Variants in ADAMTSL1 observed in about 807,000 individuals in gnomAD.
The protein encoded by ADAMTSL1 is ADAMTS like 1.
ADAMTSL1 carries 126 observed loss-of-function variants against 201.8 expected under a neutral mutation model. The ratio of observed to expected loss-of-function variants is 0.62; its 90% CI spans 0.54 to 0.72. The LOEUF (loss-of-function observed/expected upper bound fraction) is 0.72. Among genes scored for constraint, ADAMTSL1 ranks in the 30% least tolerant of loss-of-function variants. The pLI, the probability that ADAMTSL1 is intolerant of heterozygous loss-of-function variation, is 0.00. For missense variants in ADAMTSL1, 2,679 were observed against 2,277.8 expected (o/e 1.18, Z -3.59); for synonymous variants, 1,121 against 903.4 (o/e 1.24, Z -4.32).
chr9:18,893,982 G>A (rs554665954), intron 26 of ADAMTSL1, among the ~76,000 whole-genome samples: 1 of 152,306 alleles, frequency 6.6e-6, no homozygotes, highest in East Asian at 1.9e-4. Flanking sequence ...AGGGGAATGT[G>A]TCCCATATAA....
intron 2 of ADAMTSL1, among the ~76,000 whole-genome samples, chr9:18,518,301 C>A (rs1818485194): frequency 6.6e-6 from 1 of 152,128 alleles, no homozygotes; most frequent in Non-Finnish European, 1.5e-5. Context: ...CCCCCCAACC[C>A]AGCCTTTCCT....
At chr9:18,140,787 T>C (rs1055721772) in intron 1 of ADAMTSL1, among the ~76,000 whole-genome samples, 1 of 152,154 alleles carries the variant, frequency 6.6e-6, no homozygotes, top group African/African-American at 2.4e-5. Flanking sequence ...TGGCCTGGTA[T>C]GTTAACTGTT....
rs1429365164 is a variant in ADAMTSL1 at position 18,587,025 on chromosome 9, T to TGGACATA, written c.474+12763_474+12769dup. 5.9e-5 allele frequency among the ~76,000 whole-genome samples: 9 copies of TGGACATA among 152,080 alleles called. 1 individual carries two copies. Among genetic ancestry groups the TGGACATA allele is most frequent in the African/African-American group, 1.9e-4 (8 of 41,404 alleles). On this transcript the variant is annotated intron_variant, in intron 4 of 28. Transcript: ENST00000380548. Reference sequence around the variant, plus strand: ...GAAGACAACGTAGGCAATACCATTCTGGACATAGGAACTGGCAAATATTTC... The same window carrying TGGACATA: ...GAAGACAACGTAGGCAATACCATTCTGGACATAGGACATAGGAACTGGCAAATATTTC...
chr9:18,510,772 A>G (rs1056456194), intron 2 of ADAMTSL1, among the ~76,000 whole-genome samples: 20 of 152,040 alleles, frequency 1.3e-4, no homozygotes, highest in Admixed American at 9.2e-4. Flanking sequence ...TAATTAGAAA[A>G]GAGACTATAC....
At chr9:18,024,284 C>G (rs1203401045) in intron 1 of ADAMTSL1, among the ~76,000 whole-genome samples, 2 of 151,772 alleles carry the variant, frequency 1.3e-5, no homozygotes, top group Non-Finnish European at 2.9e-5. Flanking sequence ...TTTATTTTAG[C>G]TTTGAGGGTA....
intron 1 of ADAMTSL1, among the ~76,000 whole-genome samples, chr9:18,001,396 TC>T (rs144781666): frequency 0.029 from 4,417 of 152,008 alleles, 173 homozygotes; most frequent in East Asian, 0.21. Context: ...TTGGAACTGG[TC>T]CAAGATGAGG....
chr9:18,602,332 A>G (rs1216536426), intron 4 of ADAMTSL1, among the ~76,000 whole-genome samples: 1 of 152,224 alleles, frequency 6.6e-6, no homozygotes, highest in Non-Finnish European at 1.5e-5. Context: ...TGCTGCAAAC[A>G]TGAGCCTCCT....
intron 2 of ADAMTSL1, among the ~76,000 whole-genome samples, chr9:18,450,535 C>G (rs1820364037): frequency 1.3e-5 from 2 of 151,862 alleles, no homozygotes; most frequent in African/African-American, 4.8e-5. Flanking sequence ...AACCATATCT[C>G]TTTTTAATTC....
At chr9:18,000,569 A>C (rs796342841) in intron 1 of ADAMTSL1, among the ~76,000 whole-genome samples, 6 of 152,124 alleles carry the variant, frequency 3.9e-5, no homozygotes, top group African/African-American at 1.4e-4. Context: ...TCTTGCTTCT[A>C]GGAATTTATA....
At chr9:18,539,420 C>T (rs890286453) in intron 3 of ADAMTSL1, among the ~76,000 whole-genome samples, 2 of 152,210 alleles carry the variant, frequency 1.3e-5, no homozygotes, top group African/African-American at 2.4e-5. Context: ...ATTCTTTCAC[C>T]GCTGCATACT....
intron 2 of ADAMTSL1, among the ~76,000 whole-genome samples, chr9:18,465,570 A>G (rs1820971353): frequency 1.3e-5 from 2 of 152,178 alleles, no homozygotes; most frequent in Non-Finnish European, 2.9e-5. Context: ...TCTTGGAATT[A>G]CACCCACTTG....
chr9:18,694,903 T>C (rs1166905849), intron 13 of ADAMTSL1, among the ~76,000 whole-genome samples: 2 of 152,244 alleles, frequency 1.3e-5, no homozygotes, highest in Non-Finnish European at 2.9e-5. Flanking sequence ...TTTCCAAGCA[T>C]TTCCGTACAT....
chr9:18,665,275 C>T (rs1303249025), intron 9 of ADAMTSL1, among the ~76,000 whole-genome samples: 1 of 152,042 alleles, frequency 6.6e-6, no homozygotes, highest in Admixed American at 6.6e-5. Flanking sequence ...ACCAAAATAG[C>T]TTCCCTATTC....
rs193072818 is a variant in ADAMTSL1, at chr9:18,524,939, G to A, written c.192-8308G>A. ...TGTCTGTGCCAGGCTTTGGTATCAG[G>A]ATGATGCTGGCCTCATAAAATGAGT... On this transcript the variant is annotated intron_variant, in intron 2 of 28. Coordinates refer to ENST00000380548, the MANE Select transcript of ADAMTSL1 (RefSeq NM_001040272.6). Among the ~76,000 whole-genome samples the A allele has an allele frequency of 2.6e-3, 399 of 152,288 alleles. 1 individual carries two copies. The highest frequency in any genetic ancestry group is 8.9e-3 in the African/African-American group (371 of 41,550).
At chr9:18,115,665 G>A (rs1010133740) in intron 1 of ADAMTSL1, among the ~76,000 whole-genome samples, 3 of 152,066 alleles carry the variant, frequency 2.0e-5, no homozygotes, top group Non-Finnish European at 2.9e-5. Context: ...CTCATGAAAT[G>A]GGCATGATGA....
At chr9:18,373,398 T>C (rs912634577) in intron 2 of ADAMTSL1, among the ~76,000 whole-genome samples, 1 of 152,214 alleles carries the variant, frequency 6.6e-6, no homozygotes, top group Non-Finnish European at 1.5e-5. Flanking sequence ...GCTGGATGGG[T>C]AGCGCCTTAT....
At chr9:18,072,840 T>G (rs1185375040) in intron 1 of ADAMTSL1, among the ~76,000 whole-genome samples, 2 of 152,190 alleles carry the variant, frequency 1.3e-5, no homozygotes, top group African/African-American at 4.8e-5. Context: ...ATGTGTAGAA[T>G]TAGGCTTAGA....
chr9:18,842,332 A>C (rs1020737010), intron 23 of ADAMTSL1, among the ~76,000 whole-genome samples: 1 of 151,950 alleles, frequency 6.6e-6, no homozygotes, highest in Non-Finnish European at 1.5e-5. Flanking sequence ...TTCAGTTTCC[A>C]TGTAGTTGAG....
chr9:18,048,598 G>A (rs1821780029), intron 1 of ADAMTSL1, among the ~76,000 whole-genome samples: 1 of 152,178 alleles, frequency 6.6e-6, no homozygotes. Context: ...GGGATTCTCT[G>A]TACTATCTTG....
Sources: allele counts gnomAD v4.1 joint callset (sites outside exome capture counted in the v4.1 genomes callset), GRCh38; gene constraint gnomAD v4.1.1; transcripts MANE v1.5; gene names NCBI Gene and HGNC (gene_info 2026-07-23, HGNC 2026-07-21).